The following SORCS2 variants were observed in gnomAD, a reference collection of about 807,000 sequenced individuals.
SORCS2 encodes VPS10 domain-containing receptor SorCS2.
SORCS2 carries 100 observed loss-of-function variants against 141.6 expected under a neutral mutation model. The observed-to-expected ratio is 0.71, with a 90% CI of 0.60 to 0.83. The LOEUF (loss-of-function observed/expected upper bound fraction) is 0.83. Among genes scored for constraint, SORCS2 ranks in the 40% least tolerant of loss-of-function variants. The pLI is 0.00. For synonymous variants in SORCS2, 789 were observed against 676.9 expected (o/e 1.17, Z -2.57); for missense variants, 1,646 against 1,560.2 (o/e 1.05, Z -0.93).
chr4:7,602,135 C>T (rs762923303), intron 3 of SORCS2, among the ~76,000 whole-genome samples: 4 of 152,266 alleles, frequency 2.6e-5, no homozygotes, highest in Non-Finnish European at 4.4e-5. Flanking sequence ...CACTTCCACT[C>T]GACAAAACCG....
intron 2 of SORCS2, among the ~76,000 whole-genome samples, chr4:7,489,870 A>G (rs1429204276): frequency 6.6e-6 from 1 of 152,174 alleles, no homozygotes; most frequent in Non-Finnish European, 1.5e-5. Context: ...TGACCAGGAC[A>G]CTGACAGGGC....
intron 3 of SORCS2, among the ~76,000 whole-genome samples, chr4:7,565,236 G>A (rs551619529): frequency 4.6e-5 from 7 of 152,256 alleles, no homozygotes; most frequent in East Asian, 3.9e-4. Context: ...CAACTTCCCC[G>A]GCTGACCCTG....
chr4:7,668,194 T>A (rs147784466), intron 8 of SORCS2, among the ~76,000 whole-genome samples: 69 of 152,290 alleles, frequency 4.5e-4, no homozygotes, highest in African/African-American at 1.6e-3. Context: ...GACAGACAAA[T>A]GCATAAAATA....
intron 2 of SORCS2, among the ~76,000 whole-genome samples, chr4:7,470,885 A>C (rs1468801115): frequency 6.6e-6 from 1 of 152,190 alleles, no homozygotes; most frequent in African/African-American, 2.4e-5. Context: ...TTCTCTGCAA[A>C]CATCTCACGC....
rs71173496 is a variant in SORCS2, at chr4:7,373,478, ATTTTTTTTTTTT to A, written c.481-22793_481-22782del. On this transcript the variant is annotated intron_variant, in intron 1 of 26. Transcript: ENST00000507866. ...AACTTTTATATATATATATATATAT[ATTTTTTTTTTTT>A]TTTTTTTTTTTTTTTTGAGTCGGGG... 4.3e-4 allele frequency among the ~76,000 whole-genome samples: 16 copies of A among 36,818 alleles called. 1 individual carries two copies. The highest frequency in any genetic ancestry group is 1.8e-3 in the African/African-American group (11 of 6,272). 24.2% of individuals were successfully genotyped at this position (36,818 alleles called of 152,430 possible). A position where few individuals can be genotyped will look rare whatever the true frequency, so the allele number is the denominator to read the frequency against.
At chr4:7,198,465 T>A (rs1577265386) in intron 1 of SORCS2, among the ~76,000 whole-genome samples, 1 of 152,286 alleles carries the variant, frequency 6.6e-6, no homozygotes, top group Middle Eastern at 3.4e-3. Context: ...ACTCTGGAAT[T>A]CTAGGCCCAC....
intron 1 of SORCS2, among the ~76,000 whole-genome samples, chr4:7,209,897 G>A (rs1459310717): frequency 1.3e-5 from 2 of 152,234 alleles, no homozygotes; most frequent in East Asian, 3.8e-4. Context: ...GTATTTAGCA[G>A]TGAGCTATGG....
chr4:7,312,915 T>C (rs1718276811), intron 1 of SORCS2, among the ~76,000 whole-genome samples: 1 of 152,200 alleles, frequency 6.6e-6, no homozygotes, highest in South Asian at 2.1e-4. Context: ...TCTCCAGGGC[T>C]CCCTGCAGAG....
At chr4:7,639,047 T>C (rs554547758) in intron 4 of SORCS2, among the ~76,000 whole-genome samples, 14 of 152,048 alleles carry the variant, frequency 9.2e-5, no homozygotes, top group African/African-American at 3.1e-4. Flanking sequence ...GTGAGGAGCA[T>C]TGGGCTGCAT....
intron 3 of SORCS2, among the ~76,000 whole-genome samples, chr4:7,623,782 G>T (rs1273163429): frequency 6.6e-6 from 1 of 152,210 alleles, no homozygotes; most frequent in African/African-American, 2.4e-5. Flanking sequence ...GTCTTTGCCT[G>T]TTCACTAGAC....
In SORCS2 at chr4:7,582,202, G is replaced by A. The variant is rs115861297; in HGVS notation, c.648+50573G>A. On this transcript the variant is annotated intron_variant, in intron 3 of 26. Transcript: ENST00000507866. ...CGTTATTATTCCCAATTTTACAGAT[G>A]CTGAAACTGAAGCTCAGAGAGGTTA... Among the ~76,000 whole-genome samples, 942 of 152,278 alleles carry A rather than the reference G, an allele frequency of 6.2e-3. 12 individuals carry two copies. Among genetic ancestry groups the A allele is most frequent in the African/African-American group, 0.022 (907 of 41,562 alleles).
At position 7,198,989 on chromosome 4, in the gene SORCS2, G is replaced by A. The variant is rs545875949; in HGVS notation, c.480+5863G>A. Among the ~76,000 whole-genome samples, 6 of 152,314 alleles carry A rather than the reference G, an allele frequency of 3.9e-5. No homozygotes were observed. The South Asian group carries it at 8.3e-4, about 21-fold the overall frequency. On this transcript the variant is annotated intron_variant, in intron 1 of 26. Transcript: ENST00000507866. Reference sequence around the variant, plus strand: ...GGGTGTTGTGCCCAGAACCCTCCACGTGGCCTCATATTTGCCTCCAAAGCA... The same window carrying A: ...GGGTGTTGTGCCCAGAACCCTCCACATGGCCTCATATTTGCCTCCAAAGCA...
At chr4:7,532,506 T>C (rs1711746644) in intron 3 of SORCS2, among the ~76,000 whole-genome samples, 1 of 152,346 alleles carries the variant, frequency 6.6e-6, no homozygotes, top group East Asian at 1.9e-4. Flanking sequence ...CTGAGCAGCT[T>C]GGAGTCTGTG....
At chr4:7,725,420 T>G in intron 20 of SORCS2, 133 bp downstream of exon 20, 2 of 1,300,168 alleles carry the variant, frequency 1.5e-6, no homozygotes, top group Non-Finnish European at 2.0e-6. Context: ...CTTGGGCCCC[T>G]CCTGGGGCAG....
chr4:7,230,999 T>TATATCCATATCCATATCC lies in SORCS2; in HGVS notation c.480+37885_480+37902dup, dbSNP rs138295412. Among the ~76,000 whole-genome samples the TATATCCATATCCATATCC allele has an allele frequency of 4.0e-5, 6 of 151,320 alleles. 1 individual carries two copies. The highest frequency in any genetic ancestry group is 1.5e-4 in the African/African-American group (6 of 41,188). On this transcript the variant is annotated intron_variant, in intron 1 of 26. Transcript: ENST00000507866. Reference sequence around the variant, plus strand: ...GTGTGTCTAGATCTCTATCTGTATCTATATCCATATCCATATCCATATCCA... The same window carrying TATATCCATATCCATATCC: ...GTGTGTCTAGATCTCTATCTGTATCTATATCCATATCCATATCCATATCCATATCCATATCCATATCCA...
chr4:7,472,598 C>T (rs576193510), intron 2 of SORCS2, among the ~76,000 whole-genome samples: 2 of 152,130 alleles, frequency 1.3e-5, no homozygotes, highest in African/African-American at 4.8e-5. Flanking sequence ...TCCCTCCTGC[C>T]CCCTGCCGAA....
chr4:7,377,902 C>G (rs1288039511), intron 1 of SORCS2, among the ~76,000 whole-genome samples: 2 of 152,214 alleles, frequency 1.3e-5, no homozygotes, highest in Admixed American at 1.3e-4. Flanking sequence ...TGAGTTCACC[C>G]TGGGGAGATC....
intron 3 of SORCS2, among the ~76,000 whole-genome samples, chr4:7,536,344 A>G (rs1264406917): frequency 6.6e-6 from 1 of 152,242 alleles, no homozygotes; most frequent in Admixed American, 6.5e-5. Flanking sequence ...TGGTCTTTGC[A>G]ACAAGTGGGA....
chr4:7,717,007 G>C (rs1726237092), intron 17 of SORCS2, among the ~76,000 whole-genome samples: 1 of 152,236 alleles, frequency 6.6e-6, no homozygotes. Flanking sequence ...GGCAAGAGGG[G>C]GGATCAGCCT....
Sources: gnomAD v4.1 joint callset for allele counts (sites outside exome capture counted in the v4.1 genomes callset) on GRCh38, gnomAD v4.1.1 for gene constraint, MANE v1.5 for transcripts, NCBI Gene and HGNC (gene_info 2026-07-23, HGNC 2026-07-21) for gene names.